OPRD1: variants seen among roughly 807,000 people sequenced by gnomAD.
OPRD1 encodes the protein opioid receptor delta 1, also known as delta-type opioid receptor.
Under a neutral mutation model 17.5 loss-of-function variants are expected in OPRD1, and 19 were observed. The observed-to-expected ratio is 1.09, with a 90% confidence interval of 0.76 to 1.60. The LOEUF is 1.60. Ranked by LOEUF, OPRD1 falls within the 40% of genes most tolerant of loss-of-function variation. OPRD1 has a pLI of 0.00. For synonymous variants in OPRD1, 256 were observed against 240.9 expected, an observed-to-expected ratio of 1.06 and a Z score of -0.58; for missense variants, 483 against 547.2, an observed-to-expected ratio of 0.88 and a Z score of 1.17.
At chr1:28,858,892 GAGT>G (rs2089083363) in intron 1 of OPRD1, 59 bp from the exon 2 acceptor site, 3 of 1,469,572 alleles carry the variant, frequency 2.0e-6, no homozygotes, top group Non-Finnish European at 2.8e-6. Flanking sequence ...TCCCTTCCTT[GAGT>G]TTCATGTGAA....
rs1297327405 is a variant in OPRD1 at position 28,863,143 on chromosome 1, C to T, written c.979C>T (p.Arg327Cys). ...LYAFLDENFK[R>C]CFRQLCRKPC... ...CGCTTTCCTCGACGAGAACTTCAAG[C>T]GCTGCTTCCGCCAGCTCTGCCGCAA... is the stretch of plus-strand genomic sequence containing the variant. Residue 327 changes from arginine (R) to cysteine (C), a missense_variant, in exon 3 of 3, where the codon CGC becomes TGC. By Grantham distance (180) the Arg-to-Cys change is radical. Coordinates refer to ENST00000234961, the MANE Select transcript of OPRD1 (RefSeq NM_000911.4). 8.1e-6 allele frequency: 13 copies of T among 1,607,162 alleles called. No homozygotes were observed. The highest frequency in any genetic ancestry group is 1.1e-5 in the South Asian group (1 of 90,688).
chr1:28,839,839 A>G (rs1036380935), intron 1 of OPRD1, among the ~76,000 whole-genome samples: 1 of 152,212 alleles, frequency 6.6e-6, no homozygotes, highest in Non-Finnish European at 1.5e-5. Flanking sequence ...CCTTCAGGGC[A>G]CCTGGGCTGG....
intron 1 of OPRD1, 148 bp from the exon 2 acceptor site, chr1:28,858,806 A>G: frequency 2.6e-6 from 2 of 761,404 alleles, no homozygotes; most frequent in Non-Finnish European, 2.1e-6. Context: ...TTGGCCTCCA[A>G]AAGTGCTGGG....
chr1:28,868,347 T>C lies in OPRD1; in HGVS notation c.*5064T>C, dbSNP rs1337173135. The C allele has an allele frequency of 6.6e-6, 1 of 152,206 alleles. No homozygotes were observed. The highest frequency in any genetic ancestry group is 1.5e-5 in the Non-Finnish European group (1 of 68,042). 9.4% of individuals were successfully genotyped at this position (152,206 alleles called of 1,614,324 possible). A position where few individuals can be genotyped will look rare whatever the true frequency, so the allele number is the denominator to read the frequency against. ...AAGAGTCCTAGCTTTGCCGAATTCTTGGCCACGTGCTAGCAGTGTGATCTT... is the reference window on the plus strand; with the variant it reads ...AAGAGTCCTAGCTTTGCCGAATTCTCGGCCACGTGCTAGCAGTGTGATCTT... On this transcript the variant is annotated 3_prime_UTR_variant, in exon 3 of 3. Coordinates refer to ENST00000234961, the MANE Select transcript of OPRD1 (RefSeq NM_000911.4).
rs142020674 is a variant in OPRD1, at chr1:28,842,352, G to A, written c.228-16602G>A. On this transcript the variant is annotated intron_variant, in intron 1 of 2. Coordinates refer to ENST00000234961, the MANE Select transcript of OPRD1 (RefSeq NM_000911.4). ...CCTGAGCACCGGGCATTTAGACGTC[G>A]GCCGCTCTGACCAACTGCTCTGGCT... 2.8e-3 allele frequency among the ~76,000 whole-genome samples: 423 copies of A among 152,276 alleles called. 3 individuals carry two copies. Among genetic ancestry groups the A allele is most frequent in the African/African-American group, 9.8e-3 (408 of 41,552 alleles).
chr1:28,828,888 G>A (rs2088788884), intron 1 of OPRD1, among the ~76,000 whole-genome samples: 1 of 151,774 alleles, frequency 6.6e-6, no homozygotes, highest in South Asian at 2.1e-4. Flanking sequence ...TCCTCGGGAG[G>A]CTGAGGCAGG....
At chr1:28,839,967 G>T (rs1394180533) in intron 1 of OPRD1, among the ~76,000 whole-genome samples, 5 of 152,194 alleles carry the variant, frequency 3.3e-5, no homozygotes, top group Non-Finnish European at 5.9e-5. Context: ...TCTTTGGTCT[G>T]TTGCTCATTA....
intron 1 of OPRD1, among the ~76,000 whole-genome samples, chr1:28,822,105 C>G (rs1312331834): frequency 1.3e-5 from 2 of 151,930 alleles, no homozygotes; most frequent in African/African-American, 4.8e-5. Context: ...GCATGCGCCA[C>G]CATGCCCGGC....
At chr1:28,834,523 G>A (rs2088833945) in intron 1 of OPRD1, among the ~76,000 whole-genome samples, 1 of 151,620 alleles carries the variant, frequency 6.6e-6, no homozygotes, top group Admixed American at 6.6e-5. Flanking sequence ...TGGGACTACA[G>A]GTGTGTGCCA....
rs141002083 is a variant in OPRD1 at position 28,851,148 on chromosome 1, G to A, written c.228-7806G>A. On this transcript the variant is annotated intron_variant, in intron 1 of 2. Transcript: ENST00000234961. ...AAAAAGAGCCACTTGAAAGCACACC[G>A]TCACAAAGTGTCAGACTACCAGGGA... 7.5e-4 allele frequency among the ~76,000 whole-genome samples: 114 copies of A among 152,228 alleles called. 1 individual carries two copies. In the East Asian group the frequency reaches 0.013, roughly 18 times the overall value.
intron 1 of OPRD1, among the ~76,000 whole-genome samples, chr1:28,853,063 G>C (rs953266442): frequency 3.3e-5 from 5 of 152,130 alleles, no homozygotes; most frequent in Non-Finnish European, 5.9e-5. Flanking sequence ...AACTATGTTG[G>C]GAGGATGGAG....
At chr1:28,849,298 G>A (rs1465043739) in intron 1 of OPRD1, among the ~76,000 whole-genome samples, 1 of 152,056 alleles carries the variant, frequency 6.6e-6, no homozygotes, top group East Asian at 1.9e-4. Context: ...CTCCAGCTCT[G>A]CCAACAGAAT....
At chr1:28,822,185 G>A (rs1403113771) in intron 1 of OPRD1, among the ~76,000 whole-genome samples, 1 of 152,044 alleles carries the variant, frequency 6.6e-6, no homozygotes, top group Admixed American at 6.6e-5. Context: ...TCCTGACCTC[G>A]TGATCCGCCC....
intron 1 of OPRD1, among the ~76,000 whole-genome samples, chr1:28,846,895 C>CTTTCTTTCTTTCTCTT (rs1319487675): frequency 1.5e-4 from 5 of 33,976 alleles, no homozygotes; most frequent in African/African-American, 3.2e-4. Context: ...TCTTTCTTTT[C>CTTTCTTTCTTTCTCTT]TCTTTCTTTC....
chr1:28,846,892 T>C (rs375167669), intron 1 of OPRD1, among the ~76,000 whole-genome samples: 1,470 of 52,090 alleles, frequency 0.028, 26 homozygotes, highest in African/African-American at 0.056. Context: ...CTTTCTTTCT[T>C]TTCTCTTTCT....
chr1:28,849,546 G>A (rs955058389), intron 1 of OPRD1, among the ~76,000 whole-genome samples: 1 of 152,140 alleles, frequency 6.6e-6, no homozygotes. Context: ...ACACACACGT[G>A]CCCACGCACA....
chr1:28,847,003 C>T (rs797408), intron 1 of OPRD1, among the ~76,000 whole-genome samples: 2 of 138,490 alleles, frequency 1.4e-5, no homozygotes, highest in South Asian at 2.4e-4. Context: ...CTTCCTTTCC[C>T]TTCCTTTCCT....
chr1:28,815,050 T>A (rs1166538618), intron 1 of OPRD1, among the ~76,000 whole-genome samples: 2 of 152,156 alleles, frequency 1.3e-5, no homozygotes, highest in Non-Finnish European at 2.9e-5. Flanking sequence ...TCCAAAACTT[T>A]TCTCCAGAGT....
chr1:28,850,485 G>A (rs990517547), intron 1 of OPRD1, among the ~76,000 whole-genome samples: 4 of 151,898 alleles, frequency 2.6e-5, no homozygotes, highest in Non-Finnish European at 4.4e-5. Flanking sequence ...CACCACGCCT[G>A]GCTAATTTTG....
Sources: allele counts gnomAD v4.1 joint callset (sites outside exome capture counted in the v4.1 genomes callset), GRCh38; gene constraint gnomAD v4.1.1; transcripts MANE v1.5; gene names NCBI Gene and HGNC (gene_info 2026-07-23, HGNC 2026-07-21).